The following FAM241A variants were observed in gnomAD, a reference collection of about 807,000 sequenced individuals.
The protein encoded by FAM241A is uncharacterized protein FAM241A.
A neutral mutation model predicts 12.2 loss-of-function variants in FAM241A; 7 were observed. That is an observed-to-expected ratio of 0.58 (90% CI 0.33 to 1.08). The LOEUF is 1.08. FAM241A is among the 50% of genes least tolerant of loss of function. The probability of loss-of-function intolerance (pLI) is 0.04; values close to 1 mark genes in which losing one functional copy is unlikely to be tolerated. For missense variants in FAM241A, 161 were observed against 169.7 expected (o/e 0.95, Z 0.29); for synonymous variants, 74 against 68.2 (o/e 1.08, Z -0.42).
At chr4:112,156,235 T>C (rs923862645) in intron 1 of FAM241A, among the ~76,000 whole-genome samples, 1 of 152,154 alleles carries the variant, frequency 6.6e-6, no homozygotes, top group Admixed American at 6.5e-5. Context: ...ATCAATTCTA[T>C]CTCAGGTCAT....
At chr4:112,166,852 C>G (rs923467382) in intron 1 of FAM241A, among the ~76,000 whole-genome samples, 1 of 151,746 alleles carries the variant, frequency 6.6e-6, no homozygotes, top group African/African-American at 2.4e-5. Context: ...CGGTGGCTCA[C>G]GCCTGTAATC....
In FAM241A at chr4:112,186,988, G is replaced by A. The variant is rs1450673179; in HGVS notation, c.*50G>A. Reference sequence around the variant, plus strand: ...ACATTTGGTAGCCATATATGTAATTGAAGAAGTTATATATTTCACTTTTTG... The same window carrying A: ...ACATTTGGTAGCCATATATGTAATTAAAGAAGTTATATATTTCACTTTTTG... On this transcript the variant is annotated 3_prime_UTR_variant, in exon 2 of 2. Coordinates refer to ENST00000309733, the MANE Select transcript of FAM241A (RefSeq NM_152400.3). 8.9e-6 allele frequency: 14 copies of A among 1,565,978 alleles called. No individual in the cohort carries two copies. Among genetic ancestry groups the A allele is most frequent in the South Asian group, 1.2e-5 (1 of 83,540 alleles).
chr4:112,155,201 G>A (rs1171379655), intron 1 of FAM241A, among the ~76,000 whole-genome samples: 2 of 152,066 alleles, frequency 1.3e-5, no homozygotes, highest in East Asian at 1.9e-4. Context: ...GTTCCAATAC[G>A]TCTGTTAGAT....
intron 1 of FAM241A, among the ~76,000 whole-genome samples, chr4:112,169,340 G>A (rs770238107): frequency 7.2e-5 from 11 of 152,144 alleles, no homozygotes; most frequent in Non-Finnish European, 1.5e-4. Flanking sequence ...AACTAATCCA[G>A]TTCCAATCAG....
chr4:112,158,258 C>T (rs539235016), intron 1 of FAM241A, among the ~76,000 whole-genome samples: 180 of 152,158 alleles, frequency 1.2e-3, no homozygotes, highest in Non-Finnish European at 1.8e-3. Context: ...TATTTGGCTA[C>T]GATTTTCAGG....
chr4:112,182,268 T>A lies in FAM241A; in HGVS notation c.154-4425T>A, dbSNP rs190603804. On this transcript the variant is annotated intron_variant, in intron 1 of 1. Coordinates refer to ENST00000309733, the MANE Select transcript of FAM241A (RefSeq NM_152400.3). ...CAGCCAGATGGTTTAAATTTTATTG[T>A]AAACAAGAACTTCTAAAAATAATTG... is the stretch of plus-strand genomic sequence containing the variant. Among the ~76,000 whole-genome samples, 261 of 152,270 alleles carry A rather than the reference T, an allele frequency of 1.7e-3. 3 individuals are homozygous for A. Among genetic ancestry groups the A allele is most frequent in the African/African-American group, 6.1e-3 (253 of 41,550 alleles).
rs115254111 is a variant in FAM241A, at chr4:112,184,584, T to C, written c.154-2109T>C. Reference sequence around the variant, plus strand: ...AAGTAAATCTGGCTTGAACACATGATGTAGACTCAACAAAGATGCCCCAGT... The same window carrying C: ...AAGTAAATCTGGCTTGAACACATGACGTAGACTCAACAAAGATGCCCCAGT... On this transcript the variant is annotated intron_variant, in intron 1 of 1. Transcript: ENST00000309733. Among the ~76,000 whole-genome samples, 1,459 of 152,294 alleles carry C rather than the reference T, an allele frequency of 9.6e-3. 28 individuals are homozygous for C. Among genetic ancestry groups the C allele is most frequent in the African/African-American group, 0.033 (1,392 of 41,572 alleles).
At position 112,188,954 on chromosome 4, in the gene FAM241A, A is replaced by G. The variant is rs1031476729; in HGVS notation, c.*2016A>G. On this transcript the variant is annotated 3_prime_UTR_variant, in exon 2 of 2. Coordinates refer to ENST00000309733, the MANE Select transcript of FAM241A (RefSeq NM_152400.3). Reference sequence around the variant, plus strand: ...ATTATTGGTCAGTACATCAAATAATATTTGGCTTTGATATGGGAAAAAACA... The same window carrying G: ...ATTATTGGTCAGTACATCAAATAATGTTTGGCTTTGATATGGGAAAAAACA... 9 of 152,302 alleles carry G rather than the reference A, an allele frequency of 5.9e-5. No individual in the cohort carries two copies. Among genetic ancestry groups the G allele is most frequent in the African/African-American group, 1.9e-4 (8 of 41,578 alleles). The allele number at this position is 152,302 out of a possible 1,614,324, so 9.4% of individuals were successfully genotyped here.
intron 1 of FAM241A, among the ~76,000 whole-genome samples, chr4:112,150,704 T>C (rs1421324742): frequency 6.6e-6 from 1 of 152,216 alleles, no homozygotes; most frequent in Non-Finnish European, 1.5e-5. Context: ...TGATTAACAG[T>C]ACAGATTCTA....
intron 1 of FAM241A, among the ~76,000 whole-genome samples, chr4:112,146,450 C>G (rs1048857707): frequency 3.9e-5 from 6 of 152,084 alleles, no homozygotes; most frequent in Non-Finnish European, 7.4e-5. Flanking sequence ...TGATAATGGG[C>G]ATTATAACAT....
At chr4:112,154,111 G>A (rs1723303273) in intron 1 of FAM241A, among the ~76,000 whole-genome samples, 1 of 152,116 alleles carries the variant, frequency 6.6e-6, no homozygotes, top group Non-Finnish European at 1.5e-5. Flanking sequence ...ACTGAATTGA[G>A]GATTTCTTAT....
chr4:112,154,102 C>T (rs1723303119), intron 1 of FAM241A, among the ~76,000 whole-genome samples: 1 of 152,060 alleles, frequency 6.6e-6, no homozygotes, highest in Non-Finnish European at 1.5e-5. Flanking sequence ...ATCAGTCTGA[C>T]TGAATTGAGG....
chr4:112,180,343 G>A (rs926961233), intron 1 of FAM241A, among the ~76,000 whole-genome samples: 2 of 152,052 alleles, frequency 1.3e-5, no homozygotes, highest in African/African-American at 4.8e-5. Context: ...TGTGCCTCCT[G>A]TATCTAAAAT....
rs566860626 is a variant in FAM241A at position 112,147,832 on chromosome 4, A to G, written c.153+2099A>G. On this transcript the variant is annotated intron_variant, in intron 1 of 1. Transcript: ENST00000309733. Reference sequence around the variant, plus strand: ...TTTCCATGAAAACAATGATATAAACAGGAACAGAACCAAAACTAATTAGCT... The same window carrying G: ...TTTCCATGAAAACAATGATATAAACGGGAACAGAACCAAAACTAATTAGCT... Among the ~76,000 whole-genome samples the G allele has an allele frequency of 7.9e-5, 12 of 152,306 alleles. 1 individual carries two copies. The South Asian group carries it at 2.5e-3, about 32-fold the overall frequency.
chr4:112,179,914 G>GACATATATATATATGT (rs1479640205), intron 1 of FAM241A, among the ~76,000 whole-genome samples: 2 of 117,770 alleles, frequency 1.7e-5, no homozygotes, highest in East Asian at 5.5e-4. Flanking sequence ...AAGAAAATGT[G>GACATATATATATATGT]ATATATATAT....
intron 1 of FAM241A, among the ~76,000 whole-genome samples, chr4:112,159,480 A>C (rs1253692699): frequency 6.6e-6 from 1 of 152,224 alleles, no homozygotes; most frequent in Non-Finnish European, 1.5e-5. Context: ...ACATCAAAGA[A>C]AGAAAACTGC....
intron 1 of FAM241A, among the ~76,000 whole-genome samples, chr4:112,182,504 T>TA (rs201526548): frequency 0.032 from 4,614 of 144,556 alleles, 162 homozygotes; most frequent in South Asian, 0.11. Context: ...GTTGTAAACT[T>TA]AAAAAAAAAA....
intron 1 of FAM241A, among the ~76,000 whole-genome samples, chr4:112,168,223 A>T (rs1209607821): frequency 6.6e-6 from 1 of 152,266 alleles, no homozygotes; most frequent in Non-Finnish European, 1.5e-5. Flanking sequence ...TTTTTTCACA[A>T]GAAATGTCAC....
chr4:112,151,355 T>A (rs1465594957), intron 1 of FAM241A, among the ~76,000 whole-genome samples: 1 of 152,230 alleles, frequency 6.6e-6, no homozygotes, highest in African/African-American at 2.4e-5. Context: ...ATGCCAGCAC[T>A]ATGTTTCGTG....
Sources: allele counts gnomAD v4.1 joint callset (sites outside exome capture counted in the v4.1 genomes callset), GRCh38; gene constraint gnomAD v4.1.1; transcripts MANE v1.5; gene names NCBI Gene and HGNC (gene_info 2026-07-23, HGNC 2026-07-21).